Variants in CHD1L observed in about 807,000 individuals in gnomAD.
The protein encoded by CHD1L is ATP-dependent chromatin remodeler CHD1L.
Under a neutral mutation model 115.9 loss-of-function variants are expected in CHD1L, and 118 were observed. That is an observed-to-expected ratio of 1.02 (90% CI 0.88 to 1.19). CHD1L has a LOEUF of 1.19. CHD1L is among the 50% of genes most tolerant of loss of function. The pLI, the probability that CHD1L is intolerant of heterozygous loss-of-function variation, is 0.00. For synonymous variants in CHD1L, 411 were observed against 387.1 expected (o/e 1.06, Z -0.72); for missense variants, 1,179 against 1,065.3 (o/e 1.11, Z -1.49).
Position 147,266,075 on chromosome 1 carries a change from A to G in CHD1L, c.883A>G (p.Met295Val), listed in dbSNP as rs781926083. The part of the protein sequence containing the change: ...LQKKYYKAIL[M>V]KDLDAFENET... ...GAAGAAATACTACAAGGCCATTTTG[A>G]TGAAAGACCTAGGTAATCAGAGGGC... Residue 295 changes from methionine to valine, a missense_variant, in exon 8 of 23, where the codon ATG becomes GTG. By Grantham distance (21) the Met-to-Val change is conservative. Transcript: ENST00000369258. 3 of 1,610,924 alleles carry G rather than the reference A, an allele frequency of 1.9e-6. No homozygotes were observed. The highest frequency in any genetic ancestry group is 2.5e-6 in the Non-Finnish European group (3 of 1,178,868).
chr1:147,287,728 T>G lies in CHD1L; in HGVS notation c.2315T>G (p.Met772Arg), dbSNP rs782431108. The change falls in exon 19 of 23, where the codon ATG becomes AGG. Residue 772 changes from methionine to arginine, a missense_variant. Met to Arg is a moderately conservative substitution (Grantham distance 91). Transcript: ENST00000369258. ...PRKIYELAGK[M>R]KDLSLGGVLL... ...AAAATATATGAGCTGGCTGGGAAAA[T>G]GAAAGGTAAGAAGCAAAGCAGAGGG... 3 of 1,613,338 alleles carry G rather than the reference T, an allele frequency of 1.9e-6. No homozygotes were observed. The highest frequency in any genetic ancestry group is 1.1e-5 in the South Asian group (1 of 91,032).
intron 9 of CHD1L, 130 bp downstream of exon 9, chr1:147,267,648 T>C (rs1341369165): frequency 1.5e-6 from 1 of 654,786 alleles, no homozygotes; most frequent in East Asian, 2.8e-5. Context: ...TTCTCTGTAT[T>C]GGTATTAACT....
chr1:147,205,759 A>C, the CHD1L span, among the ~76,000 whole-genome samples: 1 of 152,204 alleles, frequency 6.6e-6, no homozygotes, highest in Non-Finnish European at 1.5e-5. Context: ...TTATACAAAA[A>C]TTAATTCAAA....
the CHD1L span, chr1:147,225,012 A>G: frequency 6.2e-7 from 1 of 1,612,932 alleles, no homozygotes; most frequent in South Asian, 1.1e-5. Flanking sequence ...CAATCACAGC[A>G]ATTCTTTTCT....
At position 147,265,962 on chromosome 1, in the gene CHD1L, T is replaced by C. The variant is rs1553947918; in HGVS notation, c.770T>C (p.Phe257Ser). Residue 257 changes from phenylalanine (F) to serine (S), a missense_variant, in exon 8 of 23, where the codon TTT becomes TCT. Physicochemically the swap from Phe to Ser is radical, Grantham distance 155. Coordinates refer to ENST00000369258, the MANE Select transcript of CHD1L (RefSeq NM_004284.6). ...GAACTGCACAAACTCTTGCAGCCATTTCTGCTGAGGCGAGTGAAAGCTGAG... is the reference window on the plus strand; with the variant it reads ...GAACTGCACAAACTCTTGCAGCCATCTCTGCTGAGGCGAGTGAAAGCTGAG... Reference protein sequence around the residue: ...ASELHKLLQPFLLRRVKAEVA... With the variant: ...ASELHKLLQPSLLRRVKAEVA... The C allele has an allele frequency of 1.9e-5, 31 of 1,613,152 alleles. No homozygotes were observed. The highest frequency in any genetic ancestry group is 2.6e-5 in the Non-Finnish European group (31 of 1,179,646).
At chr1:147,212,234 T>C in the CHD1L span, among the ~76,000 whole-genome samples, 6 of 152,230 alleles carry the variant, frequency 3.9e-5, no homozygotes, top group African/African-American at 1.4e-4. Context: ...CCAATCACCA[T>C]GTTGCCAACT....
the CHD1L span, chr1:147,201,562 A>G: frequency 7.2e-7 from 1 of 1,396,936 alleles, no homozygotes; most frequent in Non-Finnish European, 9.9e-7. Context: ...TCAGTACCAC[A>G]TAAGTAAAAT....
At chr1:147,178,011 C>T in the CHD1L span, 25 of 604,610 alleles carry the variant, frequency 4.1e-5, no homozygotes, top group African/African-American at 4.4e-4. Flanking sequence ...AACACAAAAA[C>T]TAAATTAGTA....
chr1:147,293,723 G>GT lies in CHD1L; in HGVS notation c.2506+2dup. ...TTTTTAGCAGCAAAAAAGAAGAAAGGTAAGCTCTTCCACCTGTGCTCAAGA... is the reference window on the plus strand; with the variant it reads ...TTTTTAGCAGCAAAAAAGAAGAAAGGTTAAGCTCTTCCACCTGTGCTCAAGA... On this transcript the variant is annotated splice_donor_variant, in intron 21 of 22. Transcript: ENST00000369258. LOFTEE classifies it high-confidence loss of function. 6.2e-7 allele frequency: 1 copy of GT among 1,609,610 alleles called. No individual in the cohort carries two copies. The highest frequency in any genetic ancestry group is 8.5e-7 in the Non-Finnish European group (1 of 1,176,054).
intron 1 of CHD1L, 192 bp downstream of exon 1, chr1:147,243,022 C>A (rs1665280384): frequency 4.9e-6 from 3 of 614,744 alleles, no homozygotes; most frequent in Non-Finnish European, 7.0e-6. Context: ...GCCTGCGCGG[C>A]GCGCGGGGCC....
intron 1 of CHD1L, among the ~76,000 whole-genome samples, chr1:147,251,810 C>T (rs587660462): frequency 2.6e-5 from 4 of 152,178 alleles, no homozygotes; most frequent in Middle Eastern, 3.4e-3. Flanking sequence ...GGATTACAGG[C>T]GTGAGATACT....
chr1:147,256,098 T>C (rs1206697204), intron 4 of CHD1L, among the ~76,000 whole-genome samples, 171 bp downstream of exon 4: 1 of 152,158 alleles, frequency 6.6e-6, no homozygotes, highest in Non-Finnish European at 1.5e-5. Flanking sequence ...TGAAGGATCA[T>C]TGTGCTTCAG....
chr1:147,180,994 C>T, the CHD1L span, among the ~76,000 whole-genome samples: 7 of 152,126 alleles, frequency 4.6e-5, no homozygotes, highest in East Asian at 1.9e-4. Flanking sequence ...GGTCTAGAGA[C>T]GAGTATTCAA....
the CHD1L span, among the ~76,000 whole-genome samples, chr1:147,177,042 C>G: frequency 6.6e-6 from 1 of 151,696 alleles, no homozygotes; most frequent in Non-Finnish European, 1.5e-5. Context: ...CAATGACAAG[C>G]AGAAGCAAGG....
chr1:147,223,681 G>T, the CHD1L span: 1 of 176,116 alleles, frequency 5.7e-6, no homozygotes, highest in South Asian at 1.2e-4. Flanking sequence ...GCATTGGACA[G>T]GACATACAGC....
the CHD1L span, among the ~76,000 whole-genome samples, chr1:147,232,140 G>C: frequency 6.6e-6 from 1 of 152,298 alleles, no homozygotes; most frequent in South Asian, 2.1e-4. Flanking sequence ...TTGAGGGAGG[G>C]CTGCAAAGGA....
At chr1:147,285,536 T>C in intron 17 of CHD1L, 49 bp downstream of exon 17, 1 of 1,542,470 alleles carries the variant, frequency 6.5e-7, no homozygotes, top group Non-Finnish European at 8.7e-7. Flanking sequence ...GGAGTCACTA[T>C]TGTATAGTGA....
At chr1:147,247,405 T>C (rs1281990074) in intron 1 of CHD1L, among the ~76,000 whole-genome samples, 3 of 152,110 alleles carry the variant, frequency 2.0e-5, no homozygotes, top group African/African-American at 7.2e-5. Context: ...ACTTCTTACT[T>C]ACTAGCTTCC....
At chr1:147,242,998 T>G (rs1264524076) in intron 1 of CHD1L, 168 bp downstream of exon 1, 93 of 837,540 alleles carry the variant, frequency 1.1e-4, no homozygotes, top group Non-Finnish European at 1.4e-4. Flanking sequence ...CCGGGCTTGG[T>G]GGCCACGGCC....
Sources: allele counts gnomAD v4.1 joint callset (sites outside exome capture counted in the v4.1 genomes callset), GRCh38; gene constraint gnomAD v4.1.1; transcripts MANE v1.5; gene names NCBI Gene and HGNC (gene_info 2026-07-23, HGNC 2026-07-21).